SDCCAG8: variants seen among roughly 807,000 people sequenced by gnomAD.
The protein encoded by SDCCAG8 is serologically defined colon cancer antigen 8.
SDCCAG8 carries 74 observed loss-of-function variants against 101.8 expected under a neutral mutation model. That is an observed-to-expected ratio of 0.73 (90% confidence interval 0.60 to 0.88). SDCCAG8 has a LOEUF of 0.88. Among genes scored for constraint, SDCCAG8 ranks in the 40% least tolerant of loss-of-function variants. The pLI, the probability that SDCCAG8 is intolerant of heterozygous loss-of-function variation, is 0.00. For synonymous variants in SDCCAG8, 281 were observed against 292.9 expected, an observed-to-expected ratio of 0.96 and a Z score of 0.41; for missense variants, 787 against 822.6, an observed-to-expected ratio of 0.96 and a Z score of 0.53.
chr1:243,473,002 G>A (rs567272013), intron 16 of SDCCAG8, among the ~76,000 whole-genome samples: 8 of 140,850 alleles, frequency 5.7e-5, no homozygotes, highest in African/African-American at 1.8e-4. Context: ...TTTAAAACAC[G>A]TTTTTAAATT....
chr1:243,267,103 C>T (rs908577187), intron 1 of SDCCAG8, among the ~76,000 whole-genome samples: 14 of 151,858 alleles, frequency 9.2e-5, no homozygotes, highest in Non-Finnish European at 1.3e-4. Flanking sequence ...ATTAGCTGCG[C>T]GTGGTGGCGT....
rs113500406 is a variant in SDCCAG8, at chr1:243,362,095, A to C, written c.1474-16626A>C. ...AGTGACTGCCTCAAGTAACACAGTA[A>C]CTGGATGGATAGGTGGGTGAAGAGA... On this transcript the variant is annotated intron_variant, in intron 12 of 17. Coordinates refer to ENST00000366541, the MANE Select transcript of SDCCAG8 (RefSeq NM_006642.5). Among the ~76,000 whole-genome samples the C allele has an allele frequency of 8.4e-3, 994 of 117,728 alleles. 6 individuals carry two copies. The highest frequency in any genetic ancestry group is 0.011 in the Non-Finnish European group (552 of 49,194). 77.2% of individuals were successfully genotyped at this position (117,728 alleles called of 152,430 possible).
At chr1:243,383,079 G>A (rs936900230) in intron 13 of SDCCAG8, among the ~76,000 whole-genome samples, 3 of 152,132 alleles carry the variant, frequency 2.0e-5, no homozygotes, top group Admixed American at 6.5e-5. Flanking sequence ...TGTAGCTAAG[G>A]GAGTGGTTAA....
chr1:243,337,548 C>A (rs1031782361), intron 10 of SDCCAG8, among the ~76,000 whole-genome samples: 1 of 152,202 alleles, frequency 6.6e-6, no homozygotes, highest in African/African-American at 2.4e-5. Context: ...AGAGTTGAAT[C>A]CAGCTTGACC....
At chr1:243,424,138 T>A (rs2081193179) in intron 15 of SDCCAG8, among the ~76,000 whole-genome samples, 1 of 152,146 alleles carries the variant, frequency 6.6e-6, no homozygotes, top group African/African-American at 2.4e-5. Flanking sequence ...AGTTAGTGTT[T>A]CATTAAATTA....
chr1:243,302,779 A>G (rs1398694084), intron 6 of SDCCAG8, among the ~76,000 whole-genome samples: 1 of 152,212 alleles, frequency 6.6e-6, no homozygotes, highest in Non-Finnish European at 1.5e-5. Flanking sequence ...CTAGGCAGTC[A>G]TAAGGACCTT....
chr1:243,490,817 G>A (rs1666222397), intron 17 of SDCCAG8, among the ~76,000 whole-genome samples: 1 of 152,182 alleles, frequency 6.6e-6, no homozygotes, highest in African/African-American at 2.4e-5. Flanking sequence ...CTGCTTTCAG[G>A]ATGACCCCCT....
intron 12 of SDCCAG8, among the ~76,000 whole-genome samples, chr1:243,372,334 A>C (rs1011746512): frequency 1.3e-5 from 2 of 152,084 alleles, no homozygotes; most frequent in African/African-American, 4.8e-5. Flanking sequence ...TCTGTTACAC[A>C]AACAAGTCAC....
At chr1:243,455,379 C>G (rs2083664737) in intron 16 of SDCCAG8, among the ~76,000 whole-genome samples, 1 of 152,188 alleles carries the variant, frequency 6.6e-6, no homozygotes, top group Non-Finnish European at 1.5e-5. Context: ...AAGCAATTCT[C>G]CTGCCTCAGC....
intron 16 of SDCCAG8, among the ~76,000 whole-genome samples, chr1:243,468,280 T>C (rs1424650067): frequency 1.3e-5 from 2 of 151,622 alleles, no homozygotes; most frequent in East Asian, 3.9e-4. Context: ...TGCAGTGGCA[T>C]GATCTTGGCT....
chr1:243,390,938 G>A (rs1054094260), intron 13 of SDCCAG8, among the ~76,000 whole-genome samples: 7 of 152,096 alleles, frequency 4.6e-5, no homozygotes, highest in African/African-American at 1.7e-4. Flanking sequence ...AATTTCTTCC[G>A]GTAAATTTCT....
chr1:243,417,360 C>T (rs1558438657), intron 14 of SDCCAG8, among the ~76,000 whole-genome samples: 1 of 152,196 alleles, frequency 6.6e-6, no homozygotes. Context: ...CTTGTACACA[C>T]ATACACAAAA....
At chr1:243,313,475 G>C (rs753564955) in intron 8 of SDCCAG8, among the ~76,000 whole-genome samples, 1 of 152,136 alleles carries the variant, frequency 6.6e-6, no homozygotes, top group Non-Finnish European at 1.5e-5. Context: ...ATGCTCATTA[G>C]TGCGTGTAAG....
intron 16 of SDCCAG8, among the ~76,000 whole-genome samples, chr1:243,430,681 G>A (rs537656020): frequency 7.6e-4 from 115 of 151,742 alleles, no homozygotes; most frequent in African/African-American, 2.6e-3. Context: ...CTCGTGATCC[G>A]CCAGCCTCGG....
chr1:243,363,851 A>G (rs1227397250), intron 12 of SDCCAG8, among the ~76,000 whole-genome samples: 1 of 152,302 alleles, frequency 6.6e-6, no homozygotes, highest in Middle Eastern at 3.4e-3. Context: ...AGATGAGTTT[A>G]CTCCTTTGTA....
rs190832028 is a variant in SDCCAG8, at chr1:243,295,311, C to T, written c.675+2092C>T. On this transcript the variant is annotated intron_variant, in intron 6 of 17. Coordinates refer to ENST00000366541, the MANE Select transcript of SDCCAG8 (RefSeq NM_006642.5). ...GGAGTGCAGTGGTGCCATCTCAGCT[C>T]ACCACAACCTCAGCCTCCCGGGTGC... Among the ~76,000 whole-genome samples, 22 of 152,268 alleles carry T rather than the reference C, an allele frequency of 1.4e-4. No individual in the cohort carries two copies. In the East Asian group the frequency reaches 3.9e-3, roughly 27 times the overall value.
At chr1:243,374,128 A>G (rs2077459237) in intron 12 of SDCCAG8, among the ~76,000 whole-genome samples, 1 of 152,094 alleles carries the variant, frequency 6.6e-6, no homozygotes, top group African/African-American at 2.4e-5. Context: ...ATGGGTAGAA[A>G]ATTTTCTTAA....
intron 15 of SDCCAG8, among the ~76,000 whole-genome samples, chr1:243,418,437 C>A (rs1245219569): frequency 6.6e-6 from 1 of 152,082 alleles, no homozygotes. Context: ...TACAATTCAC[C>A]ATGAACACAA....
At chr1:243,437,531 C>CTT (rs931257839) in intron 16 of SDCCAG8, among the ~76,000 whole-genome samples, 4,647 of 129,538 alleles carry the variant, frequency 0.036, 145 homozygotes, top group South Asian at 0.11. Context: ...TGGAGGAATT[C>CTT]TTTTTTTTTT....
Sources: allele counts gnomAD v4.1 joint callset (sites outside exome capture counted in the v4.1 genomes callset), GRCh38; gene constraint gnomAD v4.1.1; transcripts MANE v1.5; gene names NCBI Gene and HGNC (gene_info 2026-07-23, HGNC 2026-07-21).